The following HERC4 variants were observed in gnomAD, a reference collection of about 807,000 sequenced individuals.
HERC4 encodes the protein HECT and RLD domain containing E3 ubiquitin protein ligase 4, also known as probable E3 ubiquitin-protein ligase HERC4.
In HERC4, 28 loss-of-function variants were observed where a neutral mutation model predicts 124.3. The observed-to-expected ratio is 0.23, with a 90% confidence interval of 0.17 to 0.31. The LOEUF (loss-of-function observed/expected upper bound fraction) is 0.31. Among genes scored for constraint, HERC4 ranks in the 10% least tolerant of loss-of-function variants. HERC4 has a pLI of 1.00. For synonymous variants in HERC4, 407 were observed against 421.5 expected (o/e 0.97, Z 0.42); for missense variants, 713 against 1,229.3 (o/e 0.58, Z 6.28).
chr10:68,010,277 T>C (rs2133080565), intron 9 of HERC4: 1 of 990,454 alleles, frequency 1.0e-6, no homozygotes, highest in Non-Finnish European at 1.5e-6. Flanking sequence ...CACAGTGCAG[T>C]GCAGTGCAAT....
intron 5 of HERC4, among the ~76,000 whole-genome samples, chr10:68,037,406 T>C (rs2039535381): frequency 1.3e-5 from 2 of 152,194 alleles, no homozygotes; most frequent in African/African-American, 4.8e-5. Flanking sequence ...AACCTATTTA[T>C]TTTAATGGTA....
chr10:67,931,767 G>C (rs918245821), intron 23 of HERC4, among the ~76,000 whole-genome samples: 1 of 151,962 alleles, frequency 6.6e-6, no homozygotes, highest in South Asian at 2.1e-4. Context: ...TGACATTTTT[G>C]TTTTCTTTTG....
chr10:67,935,775 T>C (rs570757241), intron 22 of HERC4, among the ~76,000 whole-genome samples: 21 of 152,342 alleles, frequency 1.4e-4, no homozygotes, highest in African/African-American at 4.8e-4. Context: ...ATAAGAGTTC[T>C]AGCATTTCCC....
chr10:68,065,687 C>A lies in HERC4; in HGVS notation c.226+7196G>T, dbSNP rs75471445. Among the ~76,000 whole-genome samples the A allele has an allele frequency of 4.5e-4, 69 of 152,112 alleles. 1 individual carries two copies. In the East Asian group the frequency reaches 0.013, roughly 29 times the overall value. On this transcript the variant is annotated intron_variant, in intron 3 of 24. Transcript: ENST00000373700. ...CCAGCTTGGGCAAAAGAGTGGAACC[C>A]TGTCTCTATAAAAAATACAAAAATA...
intron 12 of HERC4, 47 bp from the exon 13 acceptor site, chr10:67,991,062 T>C (rs373399100): frequency 3.4e-4 from 463 of 1,361,306 alleles, no homozygotes; most frequent in Non-Finnish European, 3.5e-4. Flanking sequence ...AATTTAAAAT[T>C]ATTTCATTTT....
At chr10:67,979,088 TGTTAA>T (rs1589235609) in intron 15 of HERC4, among the ~76,000 whole-genome samples, 1 of 152,140 alleles carries the variant, frequency 6.6e-6, no homozygotes, top group Admixed American at 6.6e-5. Flanking sequence ...GAGGAACATC[TGTTAA>T]GTTATCAAGA....
At chr10:67,964,223 C>T (rs955814593) in intron 16 of HERC4, among the ~76,000 whole-genome samples, 2 of 151,620 alleles carry the variant, frequency 1.3e-5, no homozygotes, top group African/African-American at 4.8e-5. Flanking sequence ...ATCAAGGTTA[C>T]CAATTACCTT....
At chr10:67,934,629 A>G (rs1276531542) in intron 22 of HERC4, among the ~76,000 whole-genome samples, 2 of 148,030 alleles carry the variant, frequency 1.4e-5, no homozygotes, top group African/African-American at 5.3e-5. Context: ...GAGACTGTGC[A>G]TGTATAAAAA....
intron 19 of HERC4, among the ~76,000 whole-genome samples, chr10:67,949,847 G>A (rs1391193163): frequency 3.3e-5 from 5 of 151,924 alleles, no homozygotes; most frequent in Admixed American, 6.6e-5. Context: ...GTGAAACCTC[G>A]TCTCTACCAA....
rs12772936 is a variant in HERC4, at chr10:67,950,050, A to C, written c.2337+4545T>G. 7.9e-3 allele frequency among the ~76,000 whole-genome samples: 1,209 copies of C among 152,222 alleles called. 14 individuals carry two copies. Among genetic ancestry groups the C allele is most frequent in the Non-Finnish European group, 0.011 (755 of 68,012 alleles). ...AAACAAAAAACAAAACAAAAAACAA[A>C]AAAAAAGGAAAACCATTACACAAAA... On this transcript the variant is annotated intron_variant, in intron 19 of 24. Coordinates refer to ENST00000373700, the MANE Select transcript of HERC4 (RefSeq NM_015601.4).
chr10:67,929,883 G>A lies in HERC4; in HGVS notation c.2838+2714C>T, dbSNP rs576974288. On this transcript the variant is annotated intron_variant, in intron 23 of 24. Coordinates refer to ENST00000373700, the MANE Select transcript of HERC4 (RefSeq NM_015601.4). ...GCTGGAGTGCAACGGCACGATCTCC[G>A]GCTCACTGCAACCTCTGCCTCCTAG... Among the ~76,000 whole-genome samples the A allele has an allele frequency of 2.7e-5, 4 of 150,474 alleles. No individual in the cohort carries two copies. In the East Asian group the frequency reaches 5.9e-4, roughly 22 times the overall value.
chr10:67,977,004 C>T (rs2035632049), intron 15 of HERC4, among the ~76,000 whole-genome samples: 1 of 152,184 alleles, frequency 6.6e-6, no homozygotes, highest in African/African-American at 2.4e-5. Context: ...CTAGGTGAGT[C>T]CAAGTGCAGA....
At chr10:68,051,420 C>T (rs956121069) in intron 3 of HERC4, among the ~76,000 whole-genome samples, 5 of 149,072 alleles carry the variant, frequency 3.4e-5, no homozygotes, top group South Asian at 2.1e-4. Flanking sequence ...TCTTGGCTCA[C>T]TGCAAGCTCT....
At chr10:68,046,125 ACT>A (rs1366347364) in intron 3 of HERC4, among the ~76,000 whole-genome samples, 1 of 150,862 alleles carries the variant, frequency 6.6e-6, no homozygotes, top group Non-Finnish European at 1.5e-5. Flanking sequence ...TATGACACAC[ACT>A]GTTCCAAAAA....
At chr10:67,974,120 AT>A (rs1247520673) in intron 15 of HERC4, among the ~76,000 whole-genome samples, 5 of 84,454 alleles carry the variant, frequency 5.9e-5, no homozygotes, top group African/African-American at 4.1e-5. Context: ...ACACACACAC[AT>A]ACACACAGGG....
chr10:68,000,148 A>G (rs1395545631), intron 9 of HERC4, among the ~76,000 whole-genome samples: 2 of 152,078 alleles, frequency 1.3e-5, no homozygotes, highest in Admixed American at 6.6e-5. Flanking sequence ...GGAAGCCATC[A>G]CACCAGCCAA....
intron 17 of HERC4, chr10:67,955,778 A>G (rs1362991941): frequency 6.6e-6 from 1 of 152,264 alleles, no homozygotes; most frequent in African/African-American, 2.4e-5. Context: ...TCTCAAAAAT[A>G]AAAAATAAAA....
rs1328335175 is a variant in HERC4 at position 67,934,509 on chromosome 10, G to GT, written c.2654+1643dup. 4.6e-5 allele frequency among the ~76,000 whole-genome samples: 7 copies of GT among 152,054 alleles called. No individual in the cohort carries two copies. In the South Asian group the frequency reaches 1.0e-3, roughly 23 times the overall value. On this transcript the variant is annotated intron_variant, in intron 22 of 24. Transcript: ENST00000373700. Reference sequence around the variant, plus strand: ...TTGAATCCTGGTGGTGGTGGTGGTTGTTTTTTTAATCCTGTGTCTTCCTCT... The same window carrying GT: ...TTGAATCCTGGTGGTGGTGGTGGTTGTTTTTTTTAATCCTGTGTCTTCCTCT...
chr10:68,033,905 T>C, intron 6 of HERC4, 60 bp downstream of exon 6: 1 of 1,355,976 alleles, frequency 7.4e-7, no homozygotes, highest in South Asian at 1.2e-5. Flanking sequence ...ATCACTGATC[T>C]AACTCAAAAG....
Sources: allele counts gnomAD v4.1 joint callset (sites outside exome capture counted in the v4.1 genomes callset), GRCh38; gene constraint gnomAD v4.1.1; transcripts MANE v1.5; gene names NCBI Gene and HGNC (gene_info 2026-07-23, HGNC 2026-07-21).